MAF: variants seen among roughly 807,000 people sequenced by gnomAD.
MAF encodes the protein MAF bZIP transcription factor.
A neutral mutation model predicts 22.0 loss-of-function variants in MAF; 10 were observed. That is an observed-to-expected ratio of 0.45 (90% CI 0.28 to 0.77). The LOEUF (loss-of-function observed/expected upper bound fraction) is 0.77. Ranked by LOEUF, MAF falls within the 30% of genes least tolerant of loss-of-function variation. The pLI, the probability that MAF is intolerant of heterozygous loss-of-function variation, is 0.12. For missense variants in MAF, 544 were observed against 548.4 expected (o/e 0.99, Z 0.08); for synonymous variants, 337 against 255.8 (o/e 1.32, Z -3.03).
the MAF span, among the ~76,000 whole-genome samples, chr16:79,392,979 C>A: frequency 6.6e-6 from 1 of 152,178 alleles, no homozygotes; most frequent in Admixed American, 6.5e-5. Flanking sequence ...GCTCCTGCCG[C>A]CCTCTCTTAA....
At chr16:79,556,710 C>T in the MAF span, among the ~76,000 whole-genome samples, 9 of 152,254 alleles carry the variant, frequency 5.9e-5, no homozygotes, top group South Asian at 2.1e-4. Flanking sequence ...ATTTCAGCTA[C>T]GTGGGTAAAT....
chr16:79,362,322 T>C, the MAF span, among the ~76,000 whole-genome samples: 1 of 152,226 alleles, frequency 6.6e-6, no homozygotes, highest in African/African-American at 2.4e-5. Context: ...TCAGGCTTTT[T>C]AGTAACAGTA....
the MAF span, among the ~76,000 whole-genome samples, chr16:79,299,506 G>C: frequency 5.3e-5 from 8 of 152,290 alleles, no homozygotes; most frequent in African/African-American, 1.7e-4. Context: ...CGGAGAAGGA[G>C]GGGGGTCAAG....
At chr16:79,265,601 G>A in the MAF span, among the ~76,000 whole-genome samples, 2 of 152,222 alleles carry the variant, frequency 1.3e-5, no homozygotes, top group African/African-American at 2.4e-5. Context: ...ATTAGGCACA[G>A]TAAGAGATTA....
the MAF span, among the ~76,000 whole-genome samples, chr16:79,309,529 A>G: frequency 6.6e-6 from 1 of 152,188 alleles, no homozygotes; most frequent in African/African-American, 2.4e-5. Context: ...ATTGCCTTGC[A>G]TTACAGAGCA....
At chr16:79,436,842 T>G in the MAF span, among the ~76,000 whole-genome samples, 14 of 152,174 alleles carry the variant, frequency 9.2e-5, no homozygotes, top group Non-Finnish European at 2.9e-5. Flanking sequence ...GGACCCAGCA[T>G]CTGGAGAGTC....
chr16:79,571,803 A>G, the MAF span, among the ~76,000 whole-genome samples: 1 of 152,132 alleles, frequency 6.6e-6, no homozygotes, highest in East Asian at 1.9e-4. Context: ...CATGCTGGAA[A>G]TGCTTTTCAG....
At chr16:79,345,775 T>C in the MAF span, among the ~76,000 whole-genome samples, 1 of 148,492 alleles carries the variant, frequency 6.7e-6, no homozygotes, top group Non-Finnish European at 1.5e-5. Context: ...TGCTTTATAA[T>C]GTCTCTATAG....
the MAF span, among the ~76,000 whole-genome samples, chr16:79,360,957 G>A: frequency 2.6e-5 from 4 of 152,160 alleles, no homozygotes; most frequent in Non-Finnish European, 5.9e-5. Flanking sequence ...CATGGTAGGA[G>A]CATTTACACC....
chr16:79,430,456 G>A, the MAF span, among the ~76,000 whole-genome samples: 1 of 152,342 alleles, frequency 6.6e-6, no homozygotes, highest in South Asian at 2.1e-4. Flanking sequence ...GATTTAGGCT[G>A]TCACTCCGCA....
At chr16:79,390,115 G>A in the MAF span, among the ~76,000 whole-genome samples, 3 of 151,826 alleles carry the variant, frequency 2.0e-5, no homozygotes, top group Non-Finnish European at 4.4e-5. Context: ...ATTGGTGATG[G>A]CATGTGCAAG....
chr16:79,584,251 A>C (rs947171029), downstream of MAF, among the ~76,000 whole-genome samples: 1 of 152,222 alleles, frequency 6.6e-6, no homozygotes, highest in African/African-American at 2.4e-5. Context: ...GTGGTTCATC[A>C]GTTTTGGCTT....
chr16:79,277,450 A>G, the MAF span, among the ~76,000 whole-genome samples: 2 of 152,366 alleles, frequency 1.3e-5, no homozygotes, highest in African/African-American at 4.8e-5. Context: ...TCTGTAGGCT[A>G]TAAATTGTTG....
chr16:79,464,519 T>A, the MAF span, among the ~76,000 whole-genome samples: 1 of 152,190 alleles, frequency 6.6e-6, no homozygotes, highest in Non-Finnish European at 1.5e-5. Context: ...GATTTTTAAA[T>A]GTCAGTAAGG....
the MAF span, among the ~76,000 whole-genome samples, chr16:79,220,092 C>A: frequency 6.6e-6 from 1 of 151,796 alleles, no homozygotes; most frequent in African/African-American, 2.4e-5. Flanking sequence ...CCTGTCTCTA[C>A]TAAAAATACA....
chr16:79,477,036 G>T, the MAF span, among the ~76,000 whole-genome samples: 1 of 152,150 alleles, frequency 6.6e-6, no homozygotes, highest in Non-Finnish European at 1.5e-5. Context: ...GGGACATCAG[G>T]CATTTCTGAC....
At chr16:79,264,525 G>A in the MAF span, 14 of 152,252 alleles carry the variant, frequency 9.2e-5, no homozygotes, top group African/African-American at 3.4e-4. Context: ...GTCAGGCCTG[G>A]TTAGTACTTG....
chr16:79,249,384 A>T, the MAF span, among the ~76,000 whole-genome samples: 223 of 146,802 alleles, frequency 1.5e-3, no homozygotes, highest in Non-Finnish European at 2.7e-3. Flanking sequence ...ATGCCACTGC[A>T]CTCCAGCCTG....
At chr16:79,515,195 T>C in the MAF span, among the ~76,000 whole-genome samples, 1 of 152,358 alleles carries the variant, frequency 6.6e-6, no homozygotes, top group African/African-American at 2.4e-5. Flanking sequence ...GCCATTGTCA[T>C]TGTCATCCAC....
Sources: allele counts gnomAD v4.1 joint callset (sites outside exome capture counted in the v4.1 genomes callset), GRCh38; gene constraint gnomAD v4.1.1; transcripts MANE v1.5; gene names NCBI Gene and HGNC (gene_info 2026-07-23, HGNC 2026-07-21).